The following PPIG variants were observed in gnomAD, a reference collection of about 807,000 sequenced individuals.
PPIG encodes the protein peptidylprolyl isomerase G.
A neutral mutation model predicts 87.9 loss-of-function variants in PPIG; 26 were observed. That is an observed-to-expected ratio of 0.30 (90% CI 0.22 to 0.41). The LOEUF (loss-of-function observed/expected upper bound fraction) is 0.41. PPIG is among the 10% of genes least tolerant of loss of function. The pLI is 1.00. For synonymous variants in PPIG, 308 were observed against 276.5 expected (o/e 1.11, Z -1.13); for missense variants, 722 against 879.4 (o/e 0.82, Z 2.26).
In PPIG at chr2:169,627,932, T is replaced by G. The variant is rs547753199; in HGVS notation, c.548-2842T>G. Reference sequence around the variant, plus strand: ...TTTTGCTTGCACAATTTTATGTTTTTATTTCATTGTGAATTTATTTTCTGT... The same window carrying G: ...TTTTGCTTGCACAATTTTATGTTTTGATTTCATTGTGAATTTATTTTCTGT... On this transcript the variant is annotated intron_variant, in intron 9 of 13. Coordinates refer to ENST00000260970, the MANE Select transcript of PPIG (RefSeq NM_004792.3). 7.9e-5 allele frequency among the ~76,000 whole-genome samples: 12 copies of G among 152,318 alleles called. 1 individual carries two copies. Among genetic ancestry groups the G allele is most frequent in the African/African-American group, 2.9e-4 (12 of 41,576 alleles).
chr2:169,597,497 CTTTTCT>C (rs1559176034), intron 1 of PPIG, among the ~76,000 whole-genome samples: 2 of 122,398 alleles, frequency 1.6e-5, no homozygotes, highest in African/African-American at 6.2e-5. Context: ...TTTTCCTTTT[CTTTTCT>C]TTTTTTTTTT....
chr2:169,595,063 G>C (rs954084100), intron 1 of PPIG, among the ~76,000 whole-genome samples: 5 of 152,022 alleles, frequency 3.3e-5, no homozygotes, highest in African/African-American at 1.2e-4. Flanking sequence ...TGAGTAACTG[G>C]GATTACAGGT....
chr2:169,630,287 A>G (rs1452279196), intron 9 of PPIG, among the ~76,000 whole-genome samples: 1 of 152,138 alleles, frequency 6.6e-6, no homozygotes, highest in Non-Finnish European at 1.5e-5. Flanking sequence ...CTCTTGAGCT[A>G]AATTTCTTAA....
At chr2:169,630,522 T>G (rs891610658) in intron 9 of PPIG, among the ~76,000 whole-genome samples, 1 of 152,164 alleles carries the variant, frequency 6.6e-6, no homozygotes, top group Non-Finnish European at 1.5e-5. Flanking sequence ...TTTGTTAACA[T>G]TAGTTTAGCA....
Position 169,636,813 on chromosome 2 carries a change from A to G in PPIG, c.1555A>G (p.Lys519Glu), listed in dbSNP as rs1686191532. The G allele has an allele frequency of 6.2e-7, 1 of 1,613,224 alleles. No individual in the cohort carries two copies. The highest frequency in any genetic ancestry group is 8.5e-7 in the Non-Finnish European group (1 of 1,179,866). ...KDQERSRSKE[K>E]SKQLESKSNE... The stretch of plus-strand genomic sequence containing the variant: ...TCAGGAAAGGAGTAGAAGTAAAGAG[A>G]AGTCTAAACAGTTAGAATCAAAGAG... Residue 519 changes from lysine (K) to glutamate (E), a missense_variant, in exon 14 of 14, where the codon AAG becomes GAG. By Grantham distance (56) the Lys-to-Glu change is moderately conservative (BLOSUM62 1). This residue lies in a region of PPIG where 476 missense variants were observed against 483.1 expected (regional missense o/e 0.99). Transcript: ENST00000260970.
intron 1 of PPIG, among the ~76,000 whole-genome samples, chr2:169,599,654 G>T (rs1685119978): frequency 6.6e-6 from 1 of 151,958 alleles, no homozygotes. Context: ...CACTTTTTGT[G>T]AATTCTCTGC....
Position 169,614,661 on chromosome 2 carries a change from G to T in PPIG, c.484G>T (p.Ala162Ser), listed in dbSNP as rs778345305. 6.2e-7 allele frequency: 1 copy of T among 1,612,838 alleles called. No individual in the cohort carries two copies. Among genetic ancestry groups the T allele is most frequent in the East Asian group, 2.2e-5 (1 of 44,822 alleles). Residue 162 changes from alanine to serine, a missense_variant, in exon 9 of 14, where the codon GCT (alanine) becomes TCT (serine). By Grantham distance (99) the Ala-to-Ser change is moderately conservative. This residue lies in a region of PPIG where 99 missense variants were observed against 215.8 expected (regional missense o/e 0.46). Coordinates refer to ENST00000260970, the MANE Select transcript of PPIG (RefSeq NM_004792.3). Reference protein sequence around the residue: ...REIENQKTDAASKPFAEVRIL... With the variant: ...REIENQKTDASSKPFAEVRIL... ...GATTGAAAACCAGAAAACAGATGCAGCTAGCAAACCGTTTGCGGAGGTACG... is the reference window on the plus strand; with the variant it reads ...GATTGAAAACCAGAAAACAGATGCATCTAGCAAACCGTTTGCGGAGGTACG...
intron 1 of PPIG, among the ~76,000 whole-genome samples, chr2:169,594,550 T>C (rs1245629881): frequency 6.6e-6 from 1 of 152,058 alleles, no homozygotes; most frequent in African/African-American, 2.4e-5. Flanking sequence ...AACTTGCTTT[T>C]TTCACCTGGT....
chr2:169,614,658 G>A lies in PPIG; in HGVS notation c.481G>A (p.Ala161Thr). The A allele has an allele frequency of 2.5e-6, 4 of 1,612,946 alleles. No homozygotes were observed. Among genetic ancestry groups the A allele is most frequent in the Non-Finnish European group, 3.4e-6 (4 of 1,179,868 alleles). The change falls in exon 9 of 14, where the codon GCA becomes ACA. Residue 161 changes from alanine (A) to threonine (T), a missense_variant. Around this residue, in one of 4 missense-constraint regions of PPIG, gnomAD observed 99 missense variants for 215.8 expected, o/e 0.46. Coordinates refer to ENST00000260970, the MANE Select transcript of PPIG (RefSeq NM_004792.3). ...VREIENQKTD[A>T]ASKPFAEVRI... is the part of the protein sequence containing the mutation. ...AGAGATTGAAAACCAGAAAACAGATGCAGCTAGCAAACCGTTTGCGGAGGT... is the reference window on the plus strand; with the variant it reads ...AGAGATTGAAAACCAGAAAACAGATACAGCTAGCAAACCGTTTGCGGAGGT...
chr2:169,614,784 CTAAA>C (rs937333665), intron 9 of PPIG, 60 bp downstream of exon 9: 1 of 1,458,340 alleles, frequency 6.9e-7, no homozygotes, highest in African/African-American at 1.4e-5. Flanking sequence ...CAGAGATACT[CTAAA>C]TAGTTGACAT....
At chr2:169,622,846 T>C (rs535921954) in intron 9 of PPIG, among the ~76,000 whole-genome samples, 1 of 152,240 alleles carries the variant, frequency 6.6e-6, no homozygotes, top group Non-Finnish European at 1.5e-5. Flanking sequence ...ATGGCCTTCT[T>C]AATTAATTGG....
chr2:169,628,307 G>T (rs778317463), intron 9 of PPIG, among the ~76,000 whole-genome samples: 2 of 152,102 alleles, frequency 1.3e-5, no homozygotes, highest in Non-Finnish European at 2.9e-5. Context: ...GGGTAAGGAA[G>T]GATTATCTTA....
In PPIG at chr2:169,603,303, A is replaced by C. The variant is rs867956326; in HGVS notation, c.-69-339A>C. Among the ~76,000 whole-genome samples the C allele has an allele frequency of 1.2e-4, 19 of 152,258 alleles. 1 individual carries two copies. In the Middle Eastern group the frequency reaches 0.01, roughly 82 times the overall value. On this transcript the variant is annotated intron_variant, in intron 1 of 13. Coordinates refer to ENST00000260970, the MANE Select transcript of PPIG (RefSeq NM_004792.3). ...TTAAGTCCTTAAAATAAAATGCCTT[A>C]TCAAAATAATGTCTGTTAAATAATA...
chr2:169,611,998 CAG>C (rs1356284516), intron 7 of PPIG, among the ~76,000 whole-genome samples: 1 of 151,954 alleles, frequency 6.6e-6, no homozygotes, highest in African/African-American at 2.4e-5. Context: ...TTATTTGAGA[CAG>C]AGTCTTGCTC....
intron 9 of PPIG, among the ~76,000 whole-genome samples, chr2:169,625,860 T>G (rs1359610154): frequency 6.6e-6 from 1 of 152,102 alleles, no homozygotes; most frequent in Non-Finnish European, 1.5e-5. Context: ...GGCATAAGCG[T>G]TTAATAAGGA....
At chr2:169,594,888 C>T (rs894864935) in intron 1 of PPIG, among the ~76,000 whole-genome samples, 3 of 152,010 alleles carry the variant, frequency 2.0e-5, no homozygotes, top group African/African-American at 7.2e-5. Flanking sequence ...TCCCAAAGTG[C>T]TGGGACTACA....
intron 7 of PPIG, among the ~76,000 whole-genome samples, chr2:169,611,299 G>A (rs1236444971): frequency 6.6e-6 from 1 of 152,170 alleles, no homozygotes; most frequent in African/African-American, 2.4e-5. Flanking sequence ...CCCATTCCCA[G>A]AGCATCTTTC....
intron 1 of PPIG, among the ~76,000 whole-genome samples, chr2:169,585,671 C>A (rs1684681609): frequency 6.6e-6 from 1 of 152,094 alleles, no homozygotes; most frequent in African/African-American, 2.4e-5. Context: ...TAATTTCTTT[C>A]CACGATAGCC....
intron 7 of PPIG, among the ~76,000 whole-genome samples, chr2:169,612,801 C>T (rs746102728): frequency 3.9e-5 from 6 of 152,152 alleles, no homozygotes; most frequent in Non-Finnish European, 8.8e-5. Context: ...AATACTGCTG[C>T]AGTGAGCATT....
Sources: allele counts gnomAD v4.1 joint callset (sites outside exome capture counted in the v4.1 genomes callset), GRCh38; gene constraint gnomAD v4.1.1; regional missense constraint gnomAD v4.1.1; transcripts MANE v1.5; gene names NCBI Gene and HGNC (gene_info 2026-07-23, HGNC 2026-07-21).